FAM83A: variants seen among roughly 807,000 people sequenced by gnomAD.
FAM83A encodes the protein protein FAM83A.
In FAM83A, 21 loss-of-function variants were observed where a neutral mutation model predicts 24.4. The ratio of observed to expected loss-of-function variants is 0.86; its 90% CI spans 0.61 to 1.24. The LOEUF is 1.24. Among genes scored for constraint, FAM83A ranks in the 50% most tolerant of loss-of-function variants. The pLI is 0.00. For missense variants in FAM83A, 617 were observed against 579.8 expected, an observed-to-expected ratio of 1.06 and a Z score of -0.66; for synonymous variants, 270 against 252.4, an observed-to-expected ratio of 1.07 and a Z score of -0.66.
intron 1 of FAM83A, among the ~76,000 whole-genome samples, chr8:123,185,284 C>T (rs1245120121): frequency 6.6e-6 from 1 of 152,168 alleles, no homozygotes; most frequent in Non-Finnish European, 1.5e-5. Flanking sequence ...CTGGTCTTTC[C>T]GCATGAAGTT....
chr8:123,193,657 A>G (rs542777506), intron 2 of FAM83A, among the ~76,000 whole-genome samples: 6 of 152,334 alleles, frequency 3.9e-5, no homozygotes, highest in African/African-American at 1.4e-4. Flanking sequence ...GTGGTTCATA[A>G]CAACAGAAAT....
At position 123,183,128 on chromosome 8, in the gene FAM83A, G is replaced by A. The variant is rs531712084; in HGVS notation, c.272G>A (p.Gly91Asp). The stretch of plus-strand genomic sequence containing the variant: ...GACACCCTGGGAGGGGCGGAAGCAG[G>A]CCCTAAGGGACTGGACTCCAGCTCC... Residue 91 changes from glycine to aspartate, a missense_variant, in exon 1 of 4, where the codon GGC (glycine) becomes GAC (aspartate). Physicochemically the swap from Gly to Asp is moderately conservative, Grantham distance 94. Transcript: ENST00000690554. The A allele has an allele frequency of 5.0e-6, 8 of 1,613,908 alleles. No individual in the cohort carries two copies. The South Asian group carries it at 8.8e-5, about 18-fold the overall frequency.
intron 2 of FAM83A, among the ~76,000 whole-genome samples, chr8:123,192,519 C>G (rs767035782): frequency 6.6e-6 from 1 of 152,152 alleles, no homozygotes; most frequent in Non-Finnish European, 1.5e-5. Flanking sequence ...AGAAACCCAG[C>G]GATAAGGGTT....
intron 3 of FAM83A, among the ~76,000 whole-genome samples, chr8:123,198,374 G>C (rs1222329491): frequency 6.6e-6 from 1 of 151,880 alleles, no homozygotes; most frequent in Non-Finnish European, 1.5e-5. Flanking sequence ...CAGGCATTTG[G>C]AAACAAAGAT....
intron 3 of FAM83A, among the ~76,000 whole-genome samples, chr8:123,200,636 G>A (rs1267931187): frequency 1.3e-5 from 2 of 152,072 alleles, no homozygotes; most frequent in Non-Finnish European, 2.9e-5. Flanking sequence ...GGTCAACATG[G>A]TGAAACCCCA....
Position 123,203,066 on chromosome 8 carries a change from C to G in FAM83A, c.774-4091C>G, listed in dbSNP as rs555703268. Reference sequence around the variant, plus strand: ...GACAGAGCAGTGGGGAAAGGAGGAACTGGAAAAAATAACTCCCCGTATGTA... The same window carrying G: ...GACAGAGCAGTGGGGAAAGGAGGAAGTGGAAAAAATAACTCCCCGTATGTA... On this transcript the variant is annotated intron_variant, in intron 3 of 3. Coordinates refer to ENST00000690554, the Ensembl canonical transcript of FAM83A. Among the ~76,000 whole-genome samples the G allele has an allele frequency of 3.9e-4, 59 of 152,090 alleles. 1 individual carries two copies. The South Asian group carries it at 0.011, about 29-fold the overall frequency.
chr8:123,207,371 A>G lies in FAM83A; in HGVS notation c.988A>G (p.Thr330Ala), dbSNP rs775511634. ...CAGCAGTGGCTCCGCCAGTGACCGCACGTCCTCCAACCCCTTCAGCGGCCG... is the reference window on the plus strand; with the variant it reads ...CAGCAGTGGCTCCGCCAGTGACCGCGCGTCCTCCAACCCCTTCAGCGGCCG... The change falls in exon 4 of 4, where the codon ACG becomes GCG. Residue 330 changes from threonine to alanine, a missense_variant. Thr to Ala is a moderately conservative substitution (Grantham distance 58). Transcript: ENST00000690554. The G allele has an allele frequency of 6.2e-6, 10 of 1,611,238 alleles. No homozygotes were observed. In the South Asian group the frequency reaches 1.1e-4, roughly 18 times the overall value.
intron 3 of FAM83A, among the ~76,000 whole-genome samples, chr8:123,205,969 C>T (rs1824538493): frequency 6.6e-6 from 1 of 151,942 alleles, no homozygotes; most frequent in Admixed American, 6.6e-5. Flanking sequence ...ATGGTGAACC[C>T]CTGTCTCTAC....
intron 3 of FAM83A, chr8:123,201,550 A>G (rs375646237): frequency 2.6e-5 from 4 of 152,366 alleles, no homozygotes; most frequent in East Asian, 3.9e-4. Flanking sequence ...CACTGGGACC[A>G]GTCTCCCCTT....
intron 2 of FAM83A, among the ~76,000 whole-genome samples, chr8:123,192,533 T>G (rs1824016945): frequency 6.6e-6 from 1 of 152,186 alleles, no homozygotes. Flanking sequence ...AAGGGTTTGA[T>G]TCATCACATA....
chr8:123,198,765 T>C (rs1824245646), intron 3 of FAM83A, among the ~76,000 whole-genome samples: 1 of 152,220 alleles, frequency 6.6e-6, no homozygotes, highest in African/African-American at 2.4e-5. Flanking sequence ...CACTCTTTTT[T>C]TTGAGACGCT....
intron 1 of FAM83A, among the ~76,000 whole-genome samples, chr8:123,187,946 C>T (rs577105410): frequency 3.3e-4 from 50 of 152,022 alleles, no homozygotes; most frequent in Non-Finnish European, 4.7e-4. Flanking sequence ...CTACAACCTC[C>T]GCCTCCCAGG....
chr8:123,208,714 G>A, exon 4 of FAM83A: 2 of 985,570 alleles, frequency 2.0e-6, no homozygotes, highest in Non-Finnish European at 2.4e-6. Flanking sequence ...ATACAGGAGG[G>A]GCCAGGCGTG....
chr8:123,204,450 G>A lies in FAM83A; in HGVS notation c.774-2707G>A, dbSNP rs143037739. 3.8e-3 allele frequency among the ~76,000 whole-genome samples: 572 copies of A among 152,244 alleles called. 1 individual carries two copies. Among genetic ancestry groups the A allele is most frequent in the African/African-American group, 0.013 (535 of 41,540 alleles). The stretch of plus-strand genomic sequence containing the variant: ...GATTAAGTGAATGCTACGTACTTAT[G>A]GGCCAAACAACAATAGAAATAAAAT... On this transcript the variant is annotated intron_variant, in intron 3 of 3. Transcript: ENST00000690554.
chr8:123,191,454 CT>C (rs914535089), intron 1 of FAM83A, among the ~76,000 whole-genome samples: 2 of 152,202 alleles, frequency 1.3e-5, no homozygotes, highest in African/African-American at 4.8e-5. Flanking sequence ...CTTTATTCCT[CT>C]TCTGGAACCG....
intron 3 of FAM83A, among the ~76,000 whole-genome samples, chr8:123,200,508 G>A (rs1345962982): frequency 6.6e-6 from 1 of 152,166 alleles, no homozygotes; most frequent in South Asian, 2.1e-4. Flanking sequence ...CAGGGACTGG[G>A]CCAGGTGTGA....
chr8:123,203,146 G>C (rs1017387470), intron 3 of FAM83A, among the ~76,000 whole-genome samples: 1 of 151,674 alleles, frequency 6.6e-6, no homozygotes, highest in African/African-American at 2.4e-5. Context: ...ACTTGCAATA[G>C]TTGAAAAGAA....
In FAM83A at chr8:123,209,159, TC is replaced by T. The variant is rs1472912888; in HGVS notation, c.*1472del. 3 of 1,097,258 alleles carry T rather than the reference TC, an allele frequency of 2.7e-6. No individual in the cohort carries two copies. In the African/African-American group the frequency reaches 5.0e-5, roughly 18 times the overall value. 68.0% of individuals were successfully genotyped at this position (1,097,258 alleles called of 1,614,324 possible). On this transcript the variant is annotated 3_prime_UTR_variant, in exon 4 of 4. Transcript: ENST00000690554. The surrounding 1 kb of genome is among the most constrained non-coding windows in gnomAD (Gnocchi z 4.7). ...GCCAACTCCACATCCTTCTCCTGTT[TC>T]TAGGCCCTCTCCTCCCTTGTCGGTT...
At chr8:123,185,946 G>T (rs1486036646) in intron 1 of FAM83A, among the ~76,000 whole-genome samples, 1 of 151,836 alleles carries the variant, frequency 6.6e-6, no homozygotes, top group African/African-American at 2.4e-5. Flanking sequence ...ACCTGCCACC[G>T]CACCAGGCTA....
Sources: gnomAD v4.1 joint callset for allele counts (sites outside exome capture counted in the v4.1 genomes callset) on GRCh38, gnomAD v4.1.1 for gene constraint, Gnocchi (gnomAD v3.1) non-coding constraint, MANE v1.5 for transcripts, NCBI Gene and HGNC (gene_info 2026-07-23, HGNC 2026-07-21) for gene names.